The following CYP3A7 variants were observed in gnomAD, a reference collection of about 807,000 sequenced individuals.
CYP3A7 encodes cytochrome P450 3A7.
In CYP3A7, 45 loss-of-function variants were observed where a neutral mutation model predicts 55.2. That is an observed-to-expected ratio of 0.82 (90% CI 0.64 to 1.05). The LOEUF (loss-of-function observed/expected upper bound fraction) is 1.05, where lower values mean the gene tolerates loss of function less well. Ranked by LOEUF, CYP3A7 falls within the 50% of genes least tolerant of loss-of-function variation. CYP3A7 has a pLI of 0.00. For synonymous variants in CYP3A7, 180 were observed against 207.4 expected (o/e 0.87, Z 1.13); for missense variants, 548 against 605.3 (o/e 0.91, Z 0.99).
intron 4 of CYP3A7, among the ~76,000 whole-genome samples, chr7:99,717,920 C>G (rs149149529): frequency 6.6e-6 from 1 of 152,072 alleles, no homozygotes. Context: ...ACCTAGCACG[C>G]GTGCAGTGTA....
At chr7:99,733,983 G>T (rs1814729644) in intron 1 of CYP3A7, among the ~76,000 whole-genome samples, 1 of 152,138 alleles carries the variant, frequency 6.6e-6, no homozygotes, top group Admixed American at 6.5e-5. Flanking sequence ...GGAAAGGTGA[G>T]GTTATCTTAT....
chr7:99,708,938 G>T, intron 11 of CYP3A7, 97 bp downstream of exon 11: 1 of 1,356,262 alleles, frequency 7.4e-7, no homozygotes, highest in Non-Finnish European at 1.0e-6. Flanking sequence ...AAAAAGACAA[G>T]CAAACGATTG....
At chr7:99,732,247 T>C (rs1451346061) in intron 1 of CYP3A7, among the ~76,000 whole-genome samples, 1 of 152,174 alleles carries the variant, frequency 6.6e-6, no homozygotes, top group Non-Finnish European at 1.5e-5. Context: ...TCATGTAAGA[T>C]CTGCCTGCTT....
At chr7:99,705,871 T>C (rs746728006) in intron 12 of CYP3A7, among the ~76,000 whole-genome samples, 1 of 152,232 alleles carries the variant, frequency 6.6e-6, no homozygotes, top group Non-Finnish European at 1.5e-5. Context: ...ACCCGTGTTC[T>C]TTTTTGATTT....
intron 4 of CYP3A7, 99 bp downstream of exon 4, chr7:99,720,214 T>C (rs1814142655): frequency 2.0e-6 from 3 of 1,482,032 alleles, no homozygotes; most frequent in Non-Finnish European, 2.8e-6. Context: ...GGAACCTTCC[T>C]GCACAGTTTT....
intron 3 of CYP3A7, chr7:99,720,685 T>G (rs1021762859): frequency 4.2e-5 from 16 of 377,490 alleles, no homozygotes; most frequent in Non-Finnish European, 7.4e-5. Context: ...TGGTTAGAAA[T>G]GACAGGAGAG....
Position 99,715,905 on chromosome 7 carries a change from C to T in CYP3A7, c.523G>A (p.Val175Ile), listed in dbSNP as rs146249663. Residue 175 changes from valine to isoleucine, a missense_variant and splice_region_variant, in exon 7 of 13, where the codon GTC becomes ATC. Val to Ile is a conservative substitution (Grantham distance 29). Transcript: ENST00000336374. The stretch of plus-strand genomic sequence containing the variant: ...ACATCCATGCTGTAGGCCCCAAAGA[C>T]GCTGAGTGGAGAAAGATGTGGAAAA... ...ETGKPVTLKH[V>I]FGAYSMDVIT... 103 of 1,613,736 alleles carry T rather than the reference C, an allele frequency of 6.4e-5. No homozygotes were observed. In the Admixed American group the frequency reaches 1.4e-3, roughly 22 times the overall value.
At position 99,720,215 on chromosome 7, in the gene CYP3A7, G is replaced by T. The variant is rs139332211; in HGVS notation, c.318+98C>A. The T allele has an allele frequency of 6.4e-4, 935 of 1,471,610 alleles. 12 individuals are homozygous for T. The East Asian group carries it at 0.022, about 34-fold the overall frequency. The allele number at this position is 1,471,610 out of a possible 1,614,324, so 91.2% of individuals were successfully genotyped here. A position where few individuals can be genotyped will look rare whatever the true frequency, so the allele number is the denominator to read the frequency against. ...GATGAAGTGTACATGGAACCTTCCT[G>T]CACAGTTTTTAGGCAACTGTCTATG... On this transcript the variant is annotated intron_variant, in intron 4 of 12. Transcript: ENST00000336374.
chr7:99,723,465 C>T (rs573648703), intron 2 of CYP3A7, among the ~76,000 whole-genome samples: 2 of 152,326 alleles, frequency 1.3e-5, no homozygotes, highest in African/African-American at 4.8e-5. Flanking sequence ...ACCCCTATCT[C>T]CCTTTGCAGA....
intron 1 of CYP3A7, among the ~76,000 whole-genome samples, chr7:99,732,426 A>C (rs974025321): frequency 2.0e-5 from 3 of 152,152 alleles, no homozygotes; most frequent in African/African-American, 7.2e-5. Context: ...AGACTAATAC[A>C]GCCAGACATG....
At chr7:99,729,472 T>C (rs190985592) in intron 2 of CYP3A7, among the ~76,000 whole-genome samples, 2 of 152,222 alleles carry the variant, frequency 1.3e-5, no homozygotes, top group East Asian at 3.9e-4. Context: ...TTGCCACTAT[T>C]TTGTTTTATT....
rs777198636 is a variant in CYP3A7, at chr7:99,709,205, A to G, written c.1083T>C (p.Asn361=). Residue 361 remains asparagine, a synonymous_variant, in exon 11 of 13, where the codon AAT becomes AAC. Transcript: ENST00000336374. The part of the protein sequence containing the change: ...LQLEYLDMVV[N]ETLRLFPVAM... ...CAACTGGGAATAATCTGAGTGTTTC[A>G]TTCACCACCATGTCAAGATACTCCA... 6 of 1,613,844 alleles carry G rather than the reference A, an allele frequency of 3.7e-6. No homozygotes were observed. Among genetic ancestry groups the G allele is most frequent in the Non-Finnish European group, 5.1e-6 (6 of 1,179,936 alleles).
intron 9 of CYP3A7, among the ~76,000 whole-genome samples, chr7:99,712,443 CA>C (rs1369614633): frequency 6.6e-6 from 1 of 152,130 alleles, no homozygotes; most frequent in Non-Finnish European, 1.5e-5. Flanking sequence ...AAATTTTATT[CA>C]ATTAAACTTA....
rs975645110 is a variant in CYP3A7, at chr7:99,705,285, A to G, written c.*215T>C. On this transcript the variant is annotated 3_prime_UTR_variant, in exon 13 of 13. Coordinates refer to ENST00000336374, the MANE Select transcript of CYP3A7 (RefSeq NM_000765.5). Reference sequence around the variant, plus strand: ...GCAGAGAAGCCAAATCTACTTCCCCAGCACTGATTTGGTCATCTCCTCTAT... The same window carrying G: ...GCAGAGAAGCCAAATCTACTTCCCCGGCACTGATTTGGTCATCTCCTCTAT... The G allele has an allele frequency of 2.0e-6, 1 of 512,180 alleles. No homozygotes were observed. The highest frequency in any genetic ancestry group is 3.4e-5 in the Admixed American group (1 of 29,562). 31.7% of individuals were successfully genotyped at this position (512,180 alleles called of 1,614,324 possible). A position where few individuals can be genotyped will look rare whatever the true frequency, so the allele number is the denominator to read the frequency against.
intron 2 of CYP3A7, among the ~76,000 whole-genome samples, chr7:99,723,266 G>A (rs966922486): frequency 6.6e-6 from 1 of 152,064 alleles, no homozygotes; most frequent in Non-Finnish European, 1.5e-5. Flanking sequence ...ACCTTACAAC[G>A]TTCCATTATG....
chr7:99,715,882 A>T lies in CYP3A7; in HGVS notation c.546T>A (p.Asp182Glu), dbSNP rs750916724. ...LKHVFGAYSM[D>E]VITSTSFGVS... ...CTCCAAATGATGTGCTAGTGATCAC[A>T]TCCATGCTGTAGGCCCCAAAGACGC... The change falls in exon 7 of 13, where the codon GAT (aspartate) becomes GAA (glutamate). Residue 182 changes from aspartate (D) to glutamate (E), a missense_variant. Asp to Glu is a conservative substitution (Grantham distance 45, BLOSUM62 2). Transcript: ENST00000336374. 1.2e-6 allele frequency: 2 copies of T among 1,613,748 alleles called. No individual in the cohort carries two copies. Among genetic ancestry groups the T allele is most frequent in the Non-Finnish European group, 1.7e-6 (2 of 1,179,830 alleles).
At chr7:99,727,149 C>T (rs1189940821) in intron 2 of CYP3A7, among the ~76,000 whole-genome samples, 2 of 152,270 alleles carry the variant, frequency 1.3e-5, no homozygotes, top group African/African-American at 4.8e-5. Flanking sequence ...TGACTCATCC[C>T]AACTCTTTTC....
At chr7:99,722,054 G>A (rs1814222547) in intron 3 of CYP3A7, among the ~76,000 whole-genome samples, 1 of 152,154 alleles carries the variant, frequency 6.6e-6, no homozygotes, top group South Asian at 2.1e-4. Flanking sequence ...TATTTTCTGT[G>A]GAACATCTTT....
chr7:99,731,695 C>G lies in CYP3A7; in HGVS notation c.72-543G>C, dbSNP rs1345646028. ...CTTTCCCTTCACTCTAAGCTCTGAC[C>G]CTGTTTTAGGATCTGGCCCTTCTTA... is the stretch of plus-strand genomic sequence containing the variant. On this transcript the variant is annotated intron_variant, in intron 1 of 12. Transcript: ENST00000336374. Among the ~76,000 whole-genome samples, 5 of 152,252 alleles carry G rather than the reference C, an allele frequency of 3.3e-5. No homozygotes were observed. The South Asian group carries it at 6.2e-4, about 19-fold the overall frequency.
Sources: gnomAD v4.1 joint callset for allele counts (sites outside exome capture counted in the v4.1 genomes callset) on GRCh38, gnomAD v4.1.1 for gene constraint, MANE v1.5 for transcripts, NCBI Gene and HGNC (gene_info 2026-07-23, HGNC 2026-07-21) for gene names.